DERL2: variants seen among roughly 807,000 people sequenced by gnomAD.
The protein encoded by DERL2 is derlin-2.
In DERL2, 13 loss-of-function variants were observed where a neutral mutation model predicts 32.0. The ratio of observed to expected loss-of-function variants is 0.41; its 90% CI spans 0.26 to 0.65. The LOEUF (loss-of-function observed/expected upper bound fraction) is 0.65. Ranked by LOEUF, DERL2 falls within the 30% of genes least tolerant of loss-of-function variation. The probability of loss-of-function intolerance (pLI) is 0.35; values close to 1 mark genes in which losing one functional copy is unlikely to be tolerated. For synonymous variants in DERL2, 111 were observed against 104.7 expected (o/e 1.06, Z -0.37); for missense variants, 208 against 296.3 (o/e 0.70, Z 2.19).
chr17:5,475,210 G>A (rs193092404), intron 6 of DERL2, among the ~76,000 whole-genome samples: 23 of 151,768 alleles, frequency 1.5e-4, no homozygotes, highest in Admixed American at 6.5e-4. Context: ...TCACCCAAGT[G>A]TGCATCAACA....
chr17:5,478,067 T>TA (rs1246034339), intron 6 of DERL2: 3 of 151,628 alleles, frequency 2.0e-5, no homozygotes, highest in African/African-American at 4.9e-5. Context: ...TGCAAAAAAA[T>TA]AAAAAAATAA....
chr17:5,480,635 C>T (rs1023836594), intron 4 of DERL2, 53 bp from the exon 5 acceptor site: 4 of 1,391,282 alleles, frequency 2.9e-6, no homozygotes, highest in Non-Finnish European at 3.8e-6. Flanking sequence ...ATAGGAAAGA[C>T]TGAGCAGGAG....
At chr17:5,485,863 C>A in intron 1 of DERL2, 1 of 449,778 alleles carries the variant, frequency 2.2e-6, no homozygotes, top group Non-Finnish European at 4.0e-6. Flanking sequence ...AGAAACTGAC[C>A]TGACCCCCCA....
intron 6 of DERL2, among the ~76,000 whole-genome samples, chr17:5,475,251 T>A (rs1020092567): frequency 3.3e-5 from 5 of 151,790 alleles, no homozygotes; most frequent in African/African-American, 1.2e-4. Context: ...TACACACATA[T>A]AATAGAATTT....
intron 6 of DERL2, among the ~76,000 whole-genome samples, chr17:5,479,477 A>G (rs7224033): frequency 0.43 from 60,580 of 140,844 alleles, 15,522 homozygotes; most frequent in African/African-American, 0.72. Context: ...CAGCCTAGGT[A>G]ACAGAGTGAG....
chr17:5,478,484 C>T (rs1905536158), intron 6 of DERL2, among the ~76,000 whole-genome samples: 1 of 152,164 alleles, frequency 6.6e-6, no homozygotes, highest in Non-Finnish European at 1.5e-5. Context: ...AAATAAAATG[C>T]CTTCCTTGTT....
chr17:5,478,823 C>T (rs541033236), intron 6 of DERL2, among the ~76,000 whole-genome samples: 22 of 152,260 alleles, frequency 1.4e-4, no homozygotes, highest in Non-Finnish European at 2.8e-4. Context: ...TACAAGGTTA[C>T]AAAAATTGTT....
At position 5,473,022 on chromosome 17, in the gene DERL2, G is replaced by A. The variant is rs1341065714; in HGVS notation, c.*1662C>T. ...AAAATACTTAAATACCATTAGTTAT[G>A]CAATTCCATTTAAAGACATTAAAAC... On this transcript the variant is annotated 3_prime_UTR_variant, in exon 7 of 7. Coordinates refer to ENST00000158771, the MANE Select transcript of DERL2 (RefSeq NM_016041.5). 2.0e-5 allele frequency: 3 copies of A among 152,190 alleles called. No homozygotes were observed. The highest frequency in any genetic ancestry group is 2.9e-5 in the Non-Finnish European group (2 of 68,034). 9.4% of individuals were successfully genotyped at this position (152,190 alleles called of 1,614,324 possible).
rs77303673 is a variant in DERL2 at position 5,481,423 on chromosome 17, C to T, written c.234-34G>A. The T allele has an allele frequency of 6.6e-4, 951 of 1,442,836 alleles. 8 individuals carry two copies. The African/African-American group carries it at 0.011, about 17-fold the overall frequency. 89.4% of individuals were successfully genotyped at this position (1,442,836 alleles called of 1,614,324 possible). A position where few individuals can be genotyped will look rare whatever the true frequency, so the allele number is the denominator to read the frequency against. ...CCAAGTTAAGAAAATATTAAGCACACGAATATGAACAAAGTAAAAATTTAA... is the reference window on the plus strand; with the variant it reads ...CCAAGTTAAGAAAATATTAAGCACATGAATATGAACAAAGTAAAAATTTAA... On this transcript the variant is annotated intron_variant, in intron 3 of 6. Transcript: ENST00000158771. This position sits in a 1 kb window ranked among gnomAD's most constrained non-coding sequence, Gnocchi z 4.4.
Position 5,472,010 on chromosome 17 carries a change from C to T in DERL2, c.*2674G>A, listed in dbSNP as rs1485488514. On this transcript the variant is annotated 3_prime_UTR_variant, in exon 7 of 7. Coordinates refer to ENST00000158771, the MANE Select transcript of DERL2 (RefSeq NM_016041.5). ...GAGGTATGAAAGATATGAGGACATA[C>T]AAGAGTGACACAGAAAAAACAAGAG... 1.3e-5 allele frequency: 2 copies of T among 151,920 alleles called. No individual in the cohort carries two copies. The highest frequency in any genetic ancestry group is 4.1e-4 in the South Asian group (2 of 4,826). 9.4% of individuals were successfully genotyped at this position (151,920 alleles called of 1,614,324 possible). A position where few individuals can be genotyped will look rare whatever the true frequency, so the allele number is the denominator to read the frequency against.
upstream of DERL2, chr17:5,486,376 C>G: frequency 2.0e-6 from 1 of 491,658 alleles, no homozygotes; most frequent in East Asian, 3.7e-5. Flanking sequence ...AGCGCCCCAT[C>G]TCCCCACCCT....
Position 5,482,559 on chromosome 17 carries a change from CCTT to C in DERL2, c.233+247_233+249del. 3 of 342,774 alleles carry C rather than the reference CCTT, an allele frequency of 8.8e-6. No individual in the cohort carries two copies. In the South Asian group the frequency reaches 9.3e-5, roughly 11 times the overall value. 21.2% of individuals were successfully genotyped at this position (342,774 alleles called of 1,614,324 possible). On this transcript the variant is annotated intron_variant, in intron 3 of 6. Coordinates refer to ENST00000158771, the MANE Select transcript of DERL2 (RefSeq NM_016041.5). ...CCTCAGTTAAATCAATTCTCCCCTC[CCTT>C]GATCAGATTTGTAAGTAACAAAAGA... is the stretch of plus-strand genomic sequence containing the variant.
rs956304290 is a variant in DERL2 at position 5,473,104 on chromosome 17, A to C, written c.*1580T>G. ...CTATTTAGGATGTCCATTATGTTTA[A>C]GCCTATGTCTATCTTTCTGAGGACA... On this transcript the variant is annotated 3_prime_UTR_variant, in exon 7 of 7. Coordinates refer to ENST00000158771, the MANE Select transcript of DERL2 (RefSeq NM_016041.5). The C allele has an allele frequency of 6.6e-6, 1 of 152,258 alleles. No individual in the cohort carries two copies. Among genetic ancestry groups the C allele is most frequent in the African/African-American group, 2.4e-5 (1 of 41,466 alleles). The allele number at this position is 152,258 out of a possible 1,614,324, so 9.4% of individuals were successfully genotyped here.
At chr17:5,484,197 C>A (rs1399192269) in intron 2 of DERL2, among the ~76,000 whole-genome samples, 1 of 152,194 alleles carries the variant, frequency 6.6e-6, no homozygotes. Context: ...GGGTCTCTCC[C>A]CTACTCCAAC....
intron 2 of DERL2, among the ~76,000 whole-genome samples, chr17:5,484,584 C>T (rs573259801): frequency 6.6e-6 from 1 of 152,324 alleles, no homozygotes; most frequent in East Asian, 1.9e-4. Context: ...GGACCATCTC[C>T]CATTGTAATC....
chr17:5,481,662 T>C lies in DERL2; in HGVS notation c.234-273A>G, dbSNP rs1905792755. Among the ~76,000 whole-genome samples the C allele has an allele frequency of 2.6e-5, 4 of 151,936 alleles. No individual in the cohort carries two copies. The South Asian group carries it at 8.3e-4, about 32-fold the overall frequency. On this transcript the variant is annotated intron_variant, in intron 3 of 6. Coordinates refer to ENST00000158771, the MANE Select transcript of DERL2 (RefSeq NM_016041.5). This position sits in a 1 kb window ranked among gnomAD's most constrained non-coding sequence, Gnocchi z 4.4. ...TCAGTCCCCTATTCTTTTTTTTTTT[T>C]CTTTTGAGACAGAGTCTCGCTCTGT...
chr17:5,479,326 G>C (rs955853267), intron 6 of DERL2, among the ~76,000 whole-genome samples: 2 of 151,818 alleles, frequency 1.3e-5, no homozygotes. Context: ...CTTCTTTTTT[G>C]CTTACTATTC....
In DERL2 at chr17:5,472,193, G is replaced by A. The variant is rs185728381; in HGVS notation, c.*2491C>T. ...ACAAAAAACACTATGCTTTAGTCAA[G>A]TGTGCTTTTCAGTATCACTAGAAGA... On this transcript the variant is annotated 3_prime_UTR_variant, in exon 7 of 7. Coordinates refer to ENST00000158771, the MANE Select transcript of DERL2 (RefSeq NM_016041.5). 1 of 152,202 alleles carries A rather than the reference G, an allele frequency of 6.6e-6. No homozygotes were observed. Among genetic ancestry groups the A allele is most frequent in the Non-Finnish European group, 1.5e-5 (1 of 68,050 alleles). The allele number at this position is 152,202 out of a possible 1,614,324, so 9.4% of individuals were successfully genotyped here. A position where few individuals can be genotyped will look rare whatever the true frequency, so the allele number is the denominator to read the frequency against.
In DERL2 at chr17:5,481,170, T is replaced by C. The variant is rs766010823; in HGVS notation, c.327+126A>G. ...AGGTTTGGAAACTTGTCACAGAAAA[T>C]GTGCTGTAAAATAAATGATAGTGCC... is the stretch of plus-strand genomic sequence containing the variant. On this transcript the variant is annotated intron_variant, in intron 4 of 6. Coordinates refer to ENST00000158771, the MANE Select transcript of DERL2 (RefSeq NM_016041.5). This position sits in a 1 kb window ranked among gnomAD's most constrained non-coding sequence, Gnocchi z 4.4. 3 of 760,612 alleles carry C rather than the reference T, an allele frequency of 3.9e-6. No individual in the cohort carries two copies. Among genetic ancestry groups the C allele is most frequent in the East Asian group, 5.3e-5 (2 of 37,952 alleles). 47.1% of individuals were successfully genotyped at this position (760,612 alleles called of 1,614,324 possible).
Sources: gnomAD v4.1 joint callset for allele counts (sites outside exome capture counted in the v4.1 genomes callset) on GRCh38, gnomAD v4.1.1 for gene constraint, Gnocchi (gnomAD v3.1) non-coding constraint, MANE v1.5 for transcripts, NCBI Gene and HGNC (gene_info 2026-07-23, HGNC 2026-07-21) for gene names.